ITGB6: variants seen among roughly 807,000 people sequenced by gnomAD.
ITGB6 encodes integrin beta-6.
ITGB6 carries 80 observed loss-of-function variants against 84.5 expected under a neutral mutation model. That is an observed-to-expected ratio of 0.95 (90% confidence interval 0.79 to 1.14). The LOEUF (loss-of-function observed/expected upper bound fraction) is 1.14, where lower values mean the gene tolerates loss of function less well. Among genes scored for constraint, ITGB6 ranks in the 50% most tolerant of loss-of-function variants. ITGB6 has a pLI of 0.00. For missense variants in ITGB6, 1,006 were observed against 968.0 expected (o/e 1.04, Z -0.52); for synonymous variants, 383 against 354.9 (o/e 1.08, Z -0.89).
At chr2:160,135,405 G>A (rs1241552001) in intron 10 of ITGB6, among the ~76,000 whole-genome samples, 1 of 148,592 alleles carries the variant, frequency 6.7e-6, no homozygotes, top group Non-Finnish European at 1.5e-5. Flanking sequence ...AATAAAAGAG[G>A]ATACAAACAA....
In ITGB6 at chr2:160,196,205, T is replaced by A; in HGVS notation, c.346+11A>T. ...ATTAGATCTATTTACATGAGCCAAA[T>A]CCTAACATACCTGGTCTCAACTTAA... On this transcript the variant is annotated intron_variant, in intron 3 of 14. Transcript: ENST00000283249. 6.2e-7 allele frequency: 1 copy of A among 1,612,184 alleles called. No homozygotes were observed. Among genetic ancestry groups the A allele is most frequent in the Non-Finnish European group, 8.5e-7 (1 of 1,178,382 alleles).
rs549001212 is a variant in ITGB6, at chr2:160,139,104, A to G, written c.1108-905T>C. ...ACTATAAGAATGCTTTCTTTCCTCA[A>G]GAAGTTTATCATTTTGCTTTCTCTA... is the stretch of plus-strand genomic sequence containing the variant. On this transcript the variant is annotated intron_variant, in intron 8 of 14. Transcript: ENST00000283249. Among the ~76,000 whole-genome samples, 3 of 152,342 alleles carry G rather than the reference A, an allele frequency of 2.0e-5. No individual in the cohort carries two copies. The South Asian group carries it at 6.2e-4, about 32-fold the overall frequency.
chr2:160,113,942 C>A (rs1157485734), intron 12 of ITGB6, among the ~76,000 whole-genome samples: 1 of 152,130 alleles, frequency 6.6e-6, no homozygotes, highest in Non-Finnish European at 1.5e-5. Context: ...TTCTTTCCCC[C>A]TCTCTGTGGG....
chr2:160,182,316 A>C (rs1685711958), intron 4 of ITGB6, among the ~76,000 whole-genome samples: 1 of 152,246 alleles, frequency 6.6e-6, no homozygotes, highest in African/African-American at 2.4e-5. Context: ...GATGGAGCTG[A>C]GAAACACAGC....
At chr2:160,109,879 A>G (rs573277540) in intron 13 of ITGB6, among the ~76,000 whole-genome samples, 1 of 152,336 alleles carries the variant, frequency 6.6e-6, no homozygotes, top group Admixed American at 6.5e-5. Context: ...TAAGGGTGAA[A>G]TACACACTGA....
At chr2:160,111,963 T>A (rs1459212069) in intron 13 of ITGB6, 117 bp downstream of exon 13, 1 of 1,018,964 alleles carries the variant, frequency 9.8e-7, no homozygotes, top group African/African-American at 1.6e-5. Flanking sequence ...TTTAAGAAAC[T>A]TCATCAAAAT....
intron 12 of ITGB6, among the ~76,000 whole-genome samples, chr2:160,121,713 AG>A (rs2105795205): frequency 6.6e-6 from 1 of 151,260 alleles, no homozygotes; most frequent in South Asian, 2.1e-4. Context: ...GAATGCAGTG[AG>A]CCTTGATCAC....
At chr2:160,143,985 C>T (rs1684095665) in intron 7 of ITGB6, among the ~76,000 whole-genome samples, 1 of 152,126 alleles carries the variant, frequency 6.6e-6, no homozygotes, top group Admixed American at 6.5e-5. Flanking sequence ...TTTCAGTGGT[C>T]ACGATTGTGT....
chr2:160,126,496 A>T lies in ITGB6; in HGVS notation c.1766T>A (p.Val589Glu). 6.2e-7 allele frequency: 1 copy of T among 1,614,102 alleles called. No homozygotes were observed. The highest frequency in any genetic ancestry group is 1.1e-5 in the South Asian group (1 of 91,074). Reference protein sequence around the residue: ...STDSCVSEDGVLCSGRGDCVC... With the variant: ...STDSCVSEDGELCSGRGDCVC... ...ACAGTCCCCGCGCCCGCTGCAGAGC[A>T]CTCCATCTTCAGAGACGCAGGAGTC... Residue 589 changes from valine (V) to glutamate (E), a missense_variant, in exon 11 of 15, where the codon GTG becomes GAG. Coordinates refer to ENST00000283249, the MANE Select transcript of ITGB6 (RefSeq NM_000888.5).
chr2:160,108,063 G>T (rs1341030931), intron 13 of ITGB6, among the ~76,000 whole-genome samples: 1 of 152,142 alleles, frequency 6.6e-6, no homozygotes, highest in Non-Finnish European at 1.5e-5. Context: ...TTAGATATTT[G>T]AAGTAAATGG....
At chr2:160,178,896 C>T (rs1479918952) in intron 4 of ITGB6, 3 of 152,034 alleles carry the variant, frequency 2.0e-5, no homozygotes, top group Admixed American at 6.6e-5. Context: ...GGAGTCTCAC[C>T]ATGTTGCCCA....
intron 12 of ITGB6, among the ~76,000 whole-genome samples, chr2:160,120,607 T>C (rs1682986860): frequency 1.8e-5 from 1 of 54,614 alleles, no homozygotes; most frequent in Non-Finnish European, 3.7e-5. Flanking sequence ...GCATGGCACA[T>C]GTATACATAT....
At chr2:160,137,993 G>T in intron 9 of ITGB6, 72 bp downstream of exon 9, 2 of 1,535,568 alleles carry the variant, frequency 1.3e-6, no homozygotes, top group Non-Finnish European at 1.8e-6. Flanking sequence ...AAGAAATCCA[G>T]CTTCAGTGAG....
intron 6 of ITGB6, among the ~76,000 whole-genome samples, chr2:160,171,614 G>A (rs571114413): frequency 8.7e-4 from 132 of 152,278 alleles, no homozygotes; most frequent in Admixed American, 1.4e-3. Context: ...GATTATAGGC[G>A]TGAGCCAACG....
At chr2:160,124,441 A>G (rs1683155493) in intron 11 of ITGB6, among the ~76,000 whole-genome samples, 1 of 152,226 alleles carries the variant, frequency 6.6e-6, no homozygotes, top group Non-Finnish European at 1.5e-5. Context: ...AAAGCTGTGG[A>G]TTAGAGCATG....
At chr2:160,147,153 A>T (rs77192513) in intron 7 of ITGB6, among the ~76,000 whole-genome samples, 3,954 of 151,792 alleles carry the variant, frequency 0.026, 70 homozygotes, top group South Asian at 0.075. Context: ...ACAAAGTAAG[A>T]AAGAAAGAAA....
At position 160,138,052 on chromosome 2, in the gene ITGB6, G is replaced by A; in HGVS notation, c.1242+13C>T. 1.2e-6 allele frequency: 2 copies of A among 1,608,030 alleles called. No individual in the cohort carries two copies. The highest frequency in any genetic ancestry group is 1.3e-5 in the African/African-American group (1 of 74,786). ...AGGTATTTATTCAGACTATCTACTG[G>A]CCAGCTACTTACTGTGTCTCCCACT... is the stretch of plus-strand genomic sequence containing the variant. On this transcript the variant is annotated intron_variant, in intron 9 of 14. Transcript: ENST00000283249.
At chr2:160,193,734 C>A (rs1009910804) in intron 4 of ITGB6, among the ~76,000 whole-genome samples, 1 of 152,146 alleles carries the variant, frequency 6.6e-6, no homozygotes, top group African/African-American at 2.4e-5. Flanking sequence ...CATTCTTGGA[C>A]TGTGAACATA....
intron 10 of ITGB6, among the ~76,000 whole-genome samples, chr2:160,131,685 A>G (rs943443633): frequency 6.6e-6 from 1 of 152,214 alleles, no homozygotes; most frequent in African/African-American, 2.4e-5. Context: ...ACTAAAAACC[A>G]AAATAGCTTT....
Sources: gnomAD v4.1 joint callset for allele counts (sites outside exome capture counted in the v4.1 genomes callset) on GRCh38, gnomAD v4.1.1 for gene constraint, MANE v1.5 for transcripts, NCBI Gene and HGNC (gene_info 2026-07-23, HGNC 2026-07-21) for gene names.